The following MESP1 variants were observed in gnomAD, a reference collection of about 807,000 sequenced individuals.
The protein encoded by MESP1 is mesoderm posterior protein 1.
In MESP1, 22 loss-of-function variants were observed where a neutral mutation model predicts 15.2. The ratio of observed to expected loss-of-function variants is 1.45; its 90% confidence interval spans 1.04 to 2.07. MESP1 has a LOEUF of 2.07. Ranked by LOEUF, MESP1 falls within the 30% of genes most tolerant of loss-of-function variation. The pLI is 0.00. For missense variants in MESP1, 484 were observed against 411.9 expected (o/e 1.17, Z -1.51); for synonymous variants, 216 against 192.6 (o/e 1.12, Z -1.01).
the MESP1 span, chr15:89,737,699 T>C: frequency 1.2e-6 from 2 of 1,614,154 alleles, no homozygotes; most frequent in Non-Finnish European, 1.7e-6. Flanking sequence ...GTTTGCTGTG[T>C]CTCCAGACCA....
At chr15:89,734,577 T>C in the MESP1 span, among the ~76,000 whole-genome samples, 1 of 152,178 alleles carries the variant, frequency 6.6e-6, no homozygotes, top group East Asian at 1.9e-4. Flanking sequence ...ATTCAAGCAG[T>C]AGAAAAACAG....
At chr15:89,733,665 A>G in the MESP1 span, among the ~76,000 whole-genome samples, 1 of 152,134 alleles carries the variant, frequency 6.6e-6, no homozygotes, top group Admixed American at 6.6e-5. Context: ...AGCACACTCA[A>G]TTCCCTCACC....
downstream of MESP1, among the ~76,000 whole-genome samples, chr15:89,746,258 A>C (rs903669407): frequency 3.5e-5 from 5 of 141,762 alleles, no homozygotes; most frequent in African/African-American, 1.3e-4. Flanking sequence ...TAGCATCCAC[A>C]CCTCCACACG....
chr15:89,736,959 T>C, the MESP1 span, among the ~76,000 whole-genome samples: 2 of 152,090 alleles, frequency 1.3e-5, no homozygotes, highest in Non-Finnish European at 2.9e-5. Flanking sequence ...GCCAGGCTAA[T>C]TTTTTGTATT....
the MESP1 span, chr15:89,738,331 T>C: frequency 2.8e-6 from 4 of 1,417,862 alleles, no homozygotes; most frequent in Admixed American, 2.4e-5. Context: ...CCTTTCAGCA[T>C]TGAAATTTCC....
At position 89,751,222 on chromosome 15, in the gene MESP1, GC is replaced by G; in HGVS notation, c.9del (p.Gln3HisfsTer67). MA[Q>X]PLCPPLSESW... ...GACTCGGAGAGCGGCGGGCACAGGG[GC>G]TGGGCCATGGCAGCGGCGGCGCGTC... On this transcript the variant is annotated frameshift_variant, in exon 1 of 2. Transcript: ENST00000300057. LOFTEE classifies it high-confidence loss of function. 1 of 1,242,134 alleles carries G rather than the reference GC, an allele frequency of 8.1e-7. No homozygotes were observed. Among genetic ancestry groups the G allele is most frequent in the Non-Finnish European group, 1.0e-6 (1 of 994,316 alleles). 76.9% of individuals were successfully genotyped at this position (1,242,134 alleles called of 1,614,324 possible).
chr15:89,743,830 C>A, the MESP1 span, among the ~76,000 whole-genome samples: 4 of 152,200 alleles, frequency 2.6e-5, no homozygotes, highest in African/African-American at 9.6e-5. Flanking sequence ...CTCCCTCCCA[C>A]GGCTGGCTCA....
At chr15:89,735,453 A>G in the MESP1 span, 4 of 1,605,348 alleles carry the variant, frequency 2.5e-6, no homozygotes, top group Admixed American at 6.7e-5. Context: ...TTAAACTCTT[A>G]AAGTAGGAGA....
downstream of MESP1, among the ~76,000 whole-genome samples, chr15:89,746,958 C>T (rs1285430723): frequency 2.1e-5 from 3 of 144,770 alleles, no homozygotes; most frequent in Non-Finnish European, 4.6e-5. Flanking sequence ...CACACAGCCC[C>T]GCTGCCACAC....
At chr15:89,744,872 C>T in the MESP1 span, among the ~76,000 whole-genome samples, 1 of 152,166 alleles carries the variant, frequency 6.6e-6, no homozygotes, top group African/African-American at 2.4e-5. Flanking sequence ...CAGAAGCACC[C>T]GGTGGACCAC....
chr15:89,746,050 CA>C (rs1967938754), downstream of MESP1, among the ~76,000 whole-genome samples: 1 of 147,182 alleles, frequency 6.8e-6, no homozygotes, highest in Non-Finnish European at 1.5e-5. Context: ...ACACAGCATC[CA>C]CACCTGACAC....
At chr15:89,746,917 ACACACAGCCCCACCTC>A (rs1386899755), downstream of MESP1, among the ~76,000 whole-genome samples, 4 of 125,822 alleles carry the variant, frequency 3.2e-5, no homozygotes, top group Non-Finnish European at 4.9e-5. Flanking sequence ...CCCCGCCTCC[ACACACAGCCCCACCTC>A]CACACACACA....
At chr15:89,738,264 C>G in the MESP1 span, 1 of 1,554,212 alleles carries the variant, frequency 6.4e-7, no homozygotes, top group Non-Finnish European at 8.7e-7. Context: ...TTCACCCCCT[C>G]CCACATCTGA....
At chr15:89,737,927 C>G in the MESP1 span, 3 of 1,347,806 alleles carry the variant, frequency 2.2e-6, no homozygotes, top group African/African-American at 2.9e-5. Context: ...ACAGCTCAAC[C>G]CAGATGACCC....
At chr15:89,736,455 A>G in the MESP1 span, among the ~76,000 whole-genome samples, 2 of 152,150 alleles carry the variant, frequency 1.3e-5, no homozygotes, top group Non-Finnish European at 2.9e-5. Flanking sequence ...TGGGGCGTAC[A>G]GCAGGTTCCC....
chr15:89,750,855 A>G lies in MESP1; in HGVS notation c.377T>C (p.Leu126Pro), dbSNP rs1439850760. ...GCCGATATAGCGGATAGCCAGGCGC[A>G]GCGTCTCGATCTTGGTCAGGCTCTG... ...AGQSLTKIETLRLAIRYIGHL... is the reference protein window; with the variant it reads ...AGQSLTKIETPRLAIRYIGHL... Residue 126 changes from leucine (L) to proline (P), a missense_variant, in exon 1 of 2, where the codon CTG becomes CCG. Coordinates refer to ENST00000300057, the MANE Select transcript of MESP1 (RefSeq NM_018670.4). The G allele has an allele frequency of 3.3e-6, 5 of 1,531,284 alleles. No individual in the cohort carries two copies. The Admixed American group carries it at 9.8e-5, about 30-fold the overall frequency. The allele number at this position is 1,531,284 out of a possible 1,614,324, so 94.9% of individuals were successfully genotyped here.
chr15:89,746,195 CTACTCACCTCCACACAGCATCCTCACT>C (rs1967944755), downstream of MESP1, among the ~76,000 whole-genome samples: 1 of 148,818 alleles, frequency 6.7e-6, no homozygotes, highest in African/African-American at 2.5e-5. Context: ...GCATCCATAC[CTACTCACCTCCACACAGCATCCTCACT>C]TACTCACATC....
At chr15:89,732,939 G>A in the MESP1 span, 1 of 1,454,168 alleles carries the variant, frequency 6.9e-7, no homozygotes, top group Non-Finnish European at 9.6e-7. Context: ...GCTGGTCACA[G>A]CCCCTGTGCC....
chr15:89,744,096 G>T, the MESP1 span, among the ~76,000 whole-genome samples: 2 of 152,234 alleles, frequency 1.3e-5, no homozygotes, highest in African/African-American at 4.8e-5. Context: ...TGAGGACCCT[G>T]TGTGGAACCT....
Sources: allele counts gnomAD v4.1 joint callset (sites outside exome capture counted in the v4.1 genomes callset), GRCh38; gene constraint gnomAD v4.1.1; transcripts MANE v1.5; gene names NCBI Gene and HGNC (gene_info 2026-07-23, HGNC 2026-07-21).